PPP2R2C: variants seen among roughly 807,000 people sequenced by gnomAD.
PPP2R2C encodes protein phosphatase 2, regulatory subunit B, gamma.
PPP2R2C carries 10 observed loss-of-function variants against 45.3 expected under a neutral mutation model. The ratio of observed to expected loss-of-function variants is 0.22; its 90% CI spans 0.14 to 0.37. The LOEUF is 0.37. Among genes scored for constraint, PPP2R2C ranks in the 10% least tolerant of loss-of-function variants. PPP2R2C has a pLI of 1.00. For synonymous variants in PPP2R2C, 257 were observed against 245.4 expected (o/e 1.05, Z -0.44); for missense variants, 308 against 619.7 (o/e 0.50, Z 5.34).
At chr4:6,505,943 G>A (rs1454718188) in intron 2 of PPP2R2C, among the ~76,000 whole-genome samples, 3 of 152,124 alleles carry the variant, frequency 2.0e-5, no homozygotes, top group Admixed American at 6.5e-5. Flanking sequence ...TCCAGCCTGG[G>A]TGACAGAGTG....
chr4:6,356,679 G>A (rs924337287), intron 5 of PPP2R2C, among the ~76,000 whole-genome samples: 1 of 152,268 alleles, frequency 6.6e-6, no homozygotes, highest in Non-Finnish European at 1.5e-5. Flanking sequence ...CAGAGTGGGC[G>A]CTCTGTAGGT....
chr4:6,520,646 A>G (rs531030406), intron 2 of PPP2R2C, among the ~76,000 whole-genome samples: 8 of 152,318 alleles, frequency 5.3e-5, no homozygotes, highest in African/African-American at 1.9e-4. Context: ...ACACTCCCCA[A>G]CAGCAGCCTT....
chr4:6,562,962 C>CAAAAAAAAAAAAAA (rs746793663), intron 1 of PPP2R2C, among the ~76,000 whole-genome samples: 12 of 83,258 alleles, frequency 1.4e-4, no homozygotes, highest in African/African-American at 4.1e-4. Flanking sequence ...CCCTGCCAGC[C>CAAAAAAAAAAAAAA]AAAAAAAAAA....
intron 2 of PPP2R2C, among the ~76,000 whole-genome samples, chr4:6,493,323 C>G (rs920283639): frequency 6.6e-6 from 1 of 151,814 alleles, no homozygotes; most frequent in Non-Finnish European, 1.5e-5. Context: ...TTGTCTGTCT[C>G]CCTCAATCAG....
At chr4:6,373,934 C>A (rs1305995250) in intron 4 of PPP2R2C, among the ~76,000 whole-genome samples, 1 of 144,988 alleles carries the variant, frequency 6.9e-6, no homozygotes, top group Non-Finnish European at 1.5e-5. Context: ...TGTGTGCACG[C>A]AGCACCGGTG....
chr4:6,341,184 A>G (rs1389170890), intron 6 of PPP2R2C, among the ~76,000 whole-genome samples: 1 of 152,164 alleles, frequency 6.6e-6, no homozygotes, highest in East Asian at 1.9e-4. Context: ...TCTACTAAAA[A>G]TACAAAAAGT....
chr4:6,333,701 C>A lies in PPP2R2C; in HGVS notation c.821G>T (p.Arg274Leu). Residue 274 changes from arginine to leucine, a missense_variant, in exon 7 of 9, where the codon CGC becomes CTC. By Grantham distance (102) the Arg-to-Leu change is moderately radical (BLOSUM62 -2). Transcript: ENST00000382599. ...LFEEPEDPSN[R>L]SFFSEIISSV... ...GGAGATGATTTCCGAGAAGAATGAG[C>A]GGTTACTGGGGTCCTCAGGCTCTTC... The A allele has an allele frequency of 1.2e-6, 2 of 1,614,100 alleles. No homozygotes were observed. The highest frequency in any genetic ancestry group is 1.7e-6 in the Non-Finnish European group (2 of 1,179,994).
chr4:6,446,979 C>A (rs546759963), intron 1 of PPP2R2C, among the ~76,000 whole-genome samples: 2 of 151,888 alleles, frequency 1.3e-5, no homozygotes, highest in African/African-American at 4.8e-5. Context: ...GACCACGGTG[C>A]GGGGCAAGGT....
chr4:6,460,482 T>C (rs939290044), intron 1 of PPP2R2C, among the ~76,000 whole-genome samples: 4 of 152,192 alleles, frequency 2.6e-5, no homozygotes, highest in African/African-American at 9.6e-5. Flanking sequence ...TGTGGCACTG[T>C]GTTATAGAAG....
intron 6 of PPP2R2C, among the ~76,000 whole-genome samples, chr4:6,346,397 G>A (rs959903374): frequency 6.6e-6 from 1 of 152,144 alleles, no homozygotes; most frequent in African/African-American, 2.4e-5. Context: ...CCCTCAGGGT[G>A]TCCGTTCCAC....
At chr4:6,399,817 C>T (rs182266555) in intron 1 of PPP2R2C, among the ~76,000 whole-genome samples, 22 of 152,272 alleles carry the variant, frequency 1.4e-4, no homozygotes, top group East Asian at 3.9e-4. Flanking sequence ...AGTGGGCAGC[C>T]GACAGACAGT....
chr4:6,445,718 CTAAA>C (rs530856423), intron 1 of PPP2R2C, among the ~76,000 whole-genome samples: 1 of 151,056 alleles, frequency 6.6e-6, no homozygotes, highest in Non-Finnish European at 1.5e-5. Context: ...GACCCTGTCT[CTAAA>C]TAAATAAATA....
At chr4:6,458,784 C>T (rs1721174391) in intron 1 of PPP2R2C, among the ~76,000 whole-genome samples, 1 of 152,094 alleles carries the variant, frequency 6.6e-6, no homozygotes, top group African/African-American at 2.4e-5. Flanking sequence ...TGGGATGGGA[C>T]CCTGGGCTAT....
At chr4:6,376,393 T>C (rs1027895856) in intron 3 of PPP2R2C, among the ~76,000 whole-genome samples, 3 of 151,174 alleles carry the variant, frequency 2.0e-5, no homozygotes, top group Non-Finnish European at 2.9e-5. Flanking sequence ...GGGAGCGGAG[T>C]GTAGGGAGTG....
At chr4:6,384,284 G>A (rs1716067201) in intron 1 of PPP2R2C, 1 of 985,358 alleles carries the variant, frequency 1.0e-6, no homozygotes, top group Non-Finnish European at 1.2e-6. Context: ...ATAAAATTGG[G>A]TATAAAATGC....
chr4:6,463,018 G>T (rs1040372299), intron 1 of PPP2R2C, among the ~76,000 whole-genome samples: 9 of 152,184 alleles, frequency 5.9e-5, no homozygotes, highest in African/African-American at 1.7e-4. Flanking sequence ...AGGGGGGAAG[G>T]TGCACTCCCT....
At chr4:6,511,430 T>C (rs1366137033) in intron 2 of PPP2R2C, among the ~76,000 whole-genome samples, 1 of 146,830 alleles carries the variant, frequency 6.8e-6, no homozygotes, top group Non-Finnish European at 1.5e-5. Context: ...ATGGTGGTGA[T>C]GGTGGTGGTG....
intron 1 of PPP2R2C, among the ~76,000 whole-genome samples, chr4:6,557,600 G>C (rs1725451696): frequency 6.6e-6 from 1 of 152,168 alleles, no homozygotes; most frequent in Non-Finnish European, 1.5e-5. Flanking sequence ...GGACAGGAGA[G>C]AGCCCAGGAT....
At chr4:6,474,318 CA>C (rs1722059580), upstream of PPP2R2C, among the ~76,000 whole-genome samples, 1 of 152,058 alleles carries the variant, frequency 6.6e-6, no homozygotes, top group Non-Finnish European at 1.5e-5. Context: ...GTCCTGACCA[CA>C]AGGGGGCCCA....
Sources: allele counts gnomAD v4.1 joint callset (sites outside exome capture counted in the v4.1 genomes callset), GRCh38; gene constraint gnomAD v4.1.1; transcripts MANE v1.5; gene names NCBI Gene and HGNC (gene_info 2026-07-23, HGNC 2026-07-21).